The following RRP12 variants were observed in gnomAD, a reference collection of about 807,000 sequenced individuals.
RRP12 encodes the protein ribosomal RNA processing 12 homolog.
A neutral mutation model predicts 157.3 loss-of-function variants in RRP12; 78 were observed. The observed-to-expected ratio is 0.50, with a 90% CI of 0.41 to 0.60. The LOEUF (loss-of-function observed/expected upper bound fraction) is 0.60. Ranked by LOEUF, RRP12 falls within the 20% of genes least tolerant of loss-of-function variation. RRP12 has a pLI of 0.00. For synonymous variants in RRP12, 726 were observed against 670.9 expected (o/e 1.08, Z -1.27); for missense variants, 1,521 against 1,679.9 (o/e 0.91, Z 1.65).
In RRP12 at chr10:97,387,028, G is replaced by A. The variant is rs1356570055; in HGVS notation, c.1018-1035C>T. On this transcript the variant is annotated intron_variant, in intron 8 of 33. Coordinates refer to ENST00000370992, the MANE Select transcript of RRP12 (RefSeq NM_015179.4). Reference sequence around the variant, plus strand: ...GAGAGAACACACAGTGAGTTGGCGGGGGTATCTGTGGGGGATTGGTTCCAG... The same window carrying A: ...GAGAGAACACACAGTGAGTTGGCGGAGGTATCTGTGGGGGATTGGTTCCAG... Among the ~76,000 whole-genome samples the A allele has an allele frequency of 2.0e-5, 3 of 152,050 alleles. No homozygotes were observed. The East Asian group carries it at 5.8e-4, about 29-fold the overall frequency.
intron 15 of RRP12, among the ~76,000 whole-genome samples, chr10:97,374,348 C>T (rs922582244): frequency 6.6e-5 from 10 of 152,150 alleles, no homozygotes; most frequent in South Asian, 4.1e-4. Flanking sequence ...TTTTTGTAGA[C>T]GTAGGGTTTC....
chr10:97,394,531 A>T (rs1011895063), intron 3 of RRP12, among the ~76,000 whole-genome samples: 5 of 152,158 alleles, frequency 3.3e-5, no homozygotes, highest in African/African-American at 9.7e-5. Context: ...CTAGAACTAC[A>T]GGCATGCGCC....
intron 3 of RRP12, among the ~76,000 whole-genome samples, chr10:97,394,140 A>C (rs1370574034): frequency 6.6e-6 from 1 of 152,144 alleles, no homozygotes; most frequent in Non-Finnish European, 1.5e-5. Context: ...CAGGAGACCG[A>C]GACCATCCTG....
upstream of RRP12, chr10:97,401,364 C>T (rs1316681784): frequency 1.7e-6 from 2 of 1,180,548 alleles, no homozygotes; most frequent in East Asian, 2.4e-5. Flanking sequence ...GATTCGTGTG[C>T]ATTACTATGG....
rs1362705649 is a variant in RRP12 at position 97,400,431 on chromosome 10, T to G, written c.243A>C (p.Glu81Asp). 11 of 1,614,002 alleles carry G rather than the reference T, an allele frequency of 6.8e-6. No homozygotes were observed. The highest frequency in any genetic ancestry group is 8.5e-6 in the Non-Finnish European group (10 of 1,180,030). The change falls in exon 2 of 34, where the codon GAA becomes GAC. Residue 81 changes from glutamate (E) to aspartate (D), a missense_variant. By Grantham distance (45) the Glu-to-Asp change is conservative. Transcript: ENST00000370992. ...TCTCGGTGAGAACCAGCTCCGCCTC[T>G]TCTTCCATGGGCGTCTCCGGGGCTT... ...KSEAPETPME[E>D]EAELVLTEKS...
rs1214100390 is a variant in RRP12, at chr10:97,372,317, A to G, written c.2250-151T>C. The G allele has an allele frequency of 6.8e-6, 4 of 588,630 alleles. No individual in the cohort carries two copies. The African/African-American group carries it at 7.4e-5, about 11-fold the overall frequency. The allele number at this position is 588,630 out of a possible 1,614,324, so 36.5% of individuals were successfully genotyped here. ...GAGCTCATGAACAATAATAATAGCT[A>G]GTACCTAACTGAGCATTCATGATGT... is the stretch of plus-strand genomic sequence containing the variant. On this transcript the variant is annotated intron_variant, in intron 19 of 33. Coordinates refer to ENST00000370992, the MANE Select transcript of RRP12 (RefSeq NM_015179.4).
rs372895940 is a variant in RRP12 at position 97,373,773 on chromosome 10, G to A, written c.1864-36C>T. 17 of 1,611,690 alleles carry A rather than the reference G, an allele frequency of 1.1e-5. 1 individual carries two copies. The highest frequency in any genetic ancestry group is 1.6e-4 in the Middle Eastern group (1 of 6,080). Reference sequence around the variant, plus strand: ...AGGGGACAATAAAGGAAGGTGACACGCAGCCACCTGTGCCCCTGTGTGCTT... The same window carrying A: ...AGGGGACAATAAAGGAAGGTGACACACAGCCACCTGTGCCCCTGTGTGCTT... On this transcript the variant is annotated intron_variant, in intron 16 of 33. Coordinates refer to ENST00000370992, the MANE Select transcript of RRP12 (RefSeq NM_015179.4).
rs1844459501 is a variant in RRP12, at chr10:97,381,291, T to C, written c.1418+95A>G. On this transcript the variant is annotated intron_variant, in intron 12 of 33. Coordinates refer to ENST00000370992, the MANE Select transcript of RRP12 (RefSeq NM_015179.4). Reference sequence around the variant, plus strand: ...CCGTAAAGCACTGCCACTGCAGGCCTGGCCCACAGTAGGTGGAGAGTGGAG... The same window carrying C: ...CCGTAAAGCACTGCCACTGCAGGCCCGGCCCACAGTAGGTGGAGAGTGGAG... The C allele has an allele frequency of 1.7e-5, 15 of 892,302 alleles. 1 individual carries two copies. The South Asian group carries it at 2.3e-4, about 14-fold the overall frequency. The allele number at this position is 892,302 out of a possible 1,614,324, so 55.3% of individuals were successfully genotyped here.
Position 97,357,118 on chromosome 10 carries a change from G to A in RRP12, c.3870C>T (p.Asn1290=), listed in dbSNP as rs1158248074. The stretch of plus-strand genomic sequence containing the variant: ...CTCAGGGTCGACGATCCTTTCTGCG[G>A]TTTTTGTGTCCCACCTGGGAACCTC... ...ARRGSQVGHK[N]RRKDRRP Residue 1290 remains asparagine, a synonymous_variant, in exon 34 of 34, where the codon AAC becomes AAT. Coordinates refer to ENST00000370992, the MANE Select transcript of RRP12 (RefSeq NM_015179.4). The A allele has an allele frequency of 1.9e-6, 3 of 1,612,066 alleles. No homozygotes were observed. The highest frequency in any genetic ancestry group is 2.5e-6 in the Non-Finnish European group (3 of 1,178,434).
At chr10:97,357,306 C>G (rs964011686) in intron 33 of RRP12, 110 bp from the exon 34 acceptor site, 5 of 661,040 alleles carry the variant, frequency 7.6e-6, no homozygotes, top group Non-Finnish European at 1.0e-5. Context: ...AAGGGGGCCT[C>G]CAGGTGGTGG....
At chr10:97,395,661 C>T (rs1351947144) in intron 3 of RRP12, among the ~76,000 whole-genome samples, 3 of 151,496 alleles carry the variant, frequency 2.0e-5, no homozygotes, top group Non-Finnish European at 4.4e-5. Flanking sequence ...CAAGTCTGGC[C>T]AACATAGTAA....
chr10:97,393,546 T>C, intron 4 of RRP12, 138 bp downstream of exon 4: 1 of 754,340 alleles, frequency 1.3e-6, no homozygotes, highest in Non-Finnish European at 2.3e-6. Flanking sequence ...TGCTGGCCCA[T>C]TCTGCATGCC....
At chr10:97,397,274 C>G (rs1467498603) in intron 2 of RRP12, among the ~76,000 whole-genome samples, 1 of 152,048 alleles carries the variant, frequency 6.6e-6, no homozygotes, top group Non-Finnish European at 1.5e-5. Context: ...GATTCTCCTG[C>G]CTCAGCCTCC....
intron 15 of RRP12, among the ~76,000 whole-genome samples, chr10:97,377,212 T>C (rs1270591851): frequency 1.3e-5 from 2 of 151,802 alleles, no homozygotes; most frequent in Non-Finnish European, 2.9e-5. Context: ...ACAATAACTC[T>C]GTCATTAAAA....
intron 8 of RRP12, chr10:97,388,014 C>T: frequency 1.9e-6 from 1 of 521,466 alleles, no homozygotes; most frequent in East Asian, 3.5e-5. Context: ...GGTTTACCAG[C>T]CCACTACAGA....
chr10:97,398,417 G>A (rs1160099426), intron 2 of RRP12, among the ~76,000 whole-genome samples: 21 of 143,756 alleles, frequency 1.5e-4, no homozygotes, highest in Non-Finnish European at 2.0e-4. Context: ...GCAGTGGTGC[G>A]ATCTTGGGTC....
chr10:97,400,602 G>A lies in RRP12; in HGVS notation c.140-68C>T, dbSNP rs369705625. 20 of 1,321,690 alleles carry A rather than the reference G, an allele frequency of 1.5e-5. No individual in the cohort carries two copies. The East Asian group carries it at 3.7e-4, about 25-fold the overall frequency. 81.9% of individuals were successfully genotyped at this position (1,321,690 alleles called of 1,614,324 possible). ...GTCAAGAGAACAGAACAACCCCTGG[G>A]AAACAAACCAGCCCAGGCCAAATCT... is the stretch of plus-strand genomic sequence containing the variant. On this transcript the variant is annotated intron_variant, in intron 1 of 33. Coordinates refer to ENST00000370992, the MANE Select transcript of RRP12 (RefSeq NM_015179.4).
intron 14 of RRP12, 80 bp from the exon 15 acceptor site, chr10:97,379,494 A>C: frequency 1.3e-6 from 2 of 1,599,282 alleles, no homozygotes; most frequent in Non-Finnish European, 1.7e-6. Flanking sequence ...AGCCCAGGAC[A>C]GAGTAAGACC....
At chr10:97,371,126 G>A (rs1324217316) in intron 20 of RRP12, 45 bp from the exon 21 acceptor site, 2 of 1,594,914 alleles carry the variant, frequency 1.3e-6, no homozygotes, top group Non-Finnish European at 1.7e-6. Context: ...CTCACTCCCT[G>A]TCCAATGCTA....
Sources: gnomAD v4.1 joint callset for allele counts (sites outside exome capture counted in the v4.1 genomes callset) on GRCh38, gnomAD v4.1.1 for gene constraint, MANE v1.5 for transcripts, NCBI Gene and HGNC (gene_info 2026-07-23, HGNC 2026-07-21) for gene names.